Variants in MFSD11 observed in about 807,000 individuals in gnomAD.
MFSD11 encodes the protein UNC93-like protein MFSD11.
A neutral mutation model predicts 53.5 loss-of-function variants in MFSD11; 36 were observed. That is an observed-to-expected ratio of 0.67 (90% CI 0.52 to 0.89). The LOEUF (loss-of-function observed/expected upper bound fraction) is 0.89. Among genes scored for constraint, MFSD11 ranks in the 40% least tolerant of loss-of-function variants. The pLI is 0.00. For synonymous variants in MFSD11, 186 were observed against 184.9 expected, an observed-to-expected ratio of 1.01 and a Z score of -0.05; for missense variants, 530 against 543.9, an observed-to-expected ratio of 0.97 and a Z score of 0.25.
At chr17:76,748,836 C>T (rs746910454) in intron 7 of MFSD11, among the ~76,000 whole-genome samples, 1 of 152,022 alleles carries the variant, frequency 6.6e-6, no homozygotes, top group Non-Finnish European at 1.5e-5. Flanking sequence ...TCTCTTCTTT[C>T]CTCCCTCTAT....
intron 8 of MFSD11, among the ~76,000 whole-genome samples, chr17:76,763,019 T>C (rs1394880651): frequency 6.6e-6 from 1 of 152,104 alleles, no homozygotes; most frequent in East Asian, 1.9e-4. Flanking sequence ...CTTATAATTT[T>C]CCCCACCATC....
At chr17:76,797,405 C>G in the MFSD11 span, among the ~76,000 whole-genome samples, 1 of 152,002 alleles carries the variant, frequency 6.6e-6, no homozygotes, top group African/African-American at 2.4e-5. Context: ...TGGGCATTGC[C>G]ACGGCATTTG....
At chr17:76,785,449 A>C (rs1463033468), downstream of MFSD11, among the ~76,000 whole-genome samples, 2 of 152,088 alleles carry the variant, frequency 1.3e-5, no homozygotes, top group Non-Finnish European at 1.5e-5. Flanking sequence ...CGGTCCTCCC[A>C]CCTCAGCCTT....
At chr17:76,746,836 G>A (rs1176065912) in intron 7 of MFSD11, among the ~76,000 whole-genome samples, 1 of 152,166 alleles carries the variant, frequency 6.6e-6, no homozygotes, top group Non-Finnish European at 1.5e-5. Flanking sequence ...TGTTGGAGGT[G>A]TACAAGGAGA....
Position 76,769,804 on chromosome 17 carries a change from A to G in MFSD11, c.807A>G (p.Lys269=), listed in dbSNP as rs759337859. The G allele has an allele frequency of 2.3e-5, 37 of 1,613,094 alleles. No individual in the cohort carries two copies. Among genetic ancestry groups the G allele is most frequent in the Non-Finnish European group, 2.8e-5 (33 of 1,179,640 alleles). The part of the protein sequence containing the change: ...VYGTCIGATN[K]FGAEEKSLIG... ...GAACCTGTATTGGTGCTACAAATAAATTTGGAGCAGAAGAGAAAAGCCTTA... is the reference window on the plus strand; with the variant it reads ...GAACCTGTATTGGTGCTACAAATAAGTTTGGAGCAGAAGAGAAAAGCCTTA... The change falls in exon 10 of 13, where the codon AAA becomes AAG. Residue 269 remains lysine (K), a synonymous_variant. Transcript: ENST00000685175.
Position 76,750,395 on chromosome 17 carries a change from G to GTC in MFSD11, c.642-3649_642-3648dup, listed in dbSNP as rs527517796. 6.5e-5 allele frequency among the ~76,000 whole-genome samples: 9 copies of GTC among 137,852 alleles called. No individual in the cohort carries two copies. The South Asian group carries it at 2.1e-3, about 32-fold the overall frequency. The allele number at this position is 137,852 out of a possible 152,430, so 90.4% of individuals were successfully genotyped here. A position where few individuals can be genotyped will look rare whatever the true frequency, so the allele number is the denominator to read the frequency against. ...TTTTTTTTTTTTTTTTTGAGACAGA[G>GTC]TCTCACTCTGTCGCCCAGGCTGGAG... On this transcript the variant is annotated intron_variant, in intron 7 of 12. Coordinates refer to ENST00000685175, the MANE Select transcript of MFSD11 (RefSeq NM_001242532.5).
chr17:76,778,633 T>C lies in MFSD11; in HGVS notation c.*281T>C. The C allele has an allele frequency of 2.9e-6, 1 of 339,600 alleles. No homozygotes were observed. Among genetic ancestry groups the C allele is most frequent in the Non-Finnish European group, 5.4e-6 (1 of 186,052 alleles). The allele number at this position is 339,600 out of a possible 1,614,324, so 21.0% of individuals were successfully genotyped here. A position where few individuals can be genotyped will look rare whatever the true frequency, so the allele number is the denominator to read the frequency against. On this transcript the variant is annotated 3_prime_UTR_variant, in exon 13 of 13. Coordinates refer to ENST00000685175, the MANE Select transcript of MFSD11 (RefSeq NM_001242532.5). ...CAATTCTTATAATCATGTTATAGAA[T>C]GTAAATGTTTTCTTCTCTCTCCTGC...
chr17:76,763,865 TTTTTG>T lies in MFSD11; in HGVS notation c.683-3516_683-3512del, dbSNP rs573134284. Among the ~76,000 whole-genome samples, 117 of 151,726 alleles carry T rather than the reference TTTTTG, an allele frequency of 7.7e-4. No individual in the cohort carries two copies. The South Asian group carries it at 0.012, about 16-fold the overall frequency. ...ATTTATGAGGTACAACATGTTTTTG[TTTTTG>T]TTTTTTTTTTGAGGCAGAATCTTGC... On this transcript the variant is annotated intron_variant, in intron 8 of 12. Transcript: ENST00000685175.
chr17:76,777,069 C>T (rs2081904102), intron 12 of MFSD11, among the ~76,000 whole-genome samples: 1 of 152,040 alleles, frequency 6.6e-6, no homozygotes, highest in African/African-American at 2.4e-5. Flanking sequence ...AGATGGAGAC[C>T]ATCCTGGCTA....
At chr17:76,744,155 A>G (rs1320610472) in intron 6 of MFSD11, among the ~76,000 whole-genome samples, 167 bp from the exon 7 acceptor site, 1 of 152,176 alleles carries the variant, frequency 6.6e-6, no homozygotes, top group African/African-American at 2.4e-5. Context: ...CTGAAAGACA[A>G]AGGTGAAGGT....
intron 9 of MFSD11, among the ~76,000 whole-genome samples, chr17:76,767,660 T>C (rs1710410669): frequency 6.6e-6 from 1 of 152,172 alleles, no homozygotes; most frequent in South Asian, 2.1e-4. Flanking sequence ...ATCTCTCTTT[T>C]TGTGTAGTCT....
the MFSD11 span, among the ~76,000 whole-genome samples, chr17:76,799,777 G>A: frequency 6.6e-6 from 1 of 151,766 alleles, no homozygotes; most frequent in African/African-American, 2.4e-5. Flanking sequence ...CTTGCCCAAA[G>A]CTTAAAGCTT....
intron 8 of MFSD11, among the ~76,000 whole-genome samples, chr17:76,764,004 AG>A (rs572201133): frequency 1.5e-4 from 23 of 152,150 alleles, no homozygotes; most frequent in African/African-American, 5.3e-4. Context: ...CTGGGATTAC[AG>A]GGGTATACCA....
chr17:76,792,415 G>A, the MFSD11 span, among the ~76,000 whole-genome samples: 33 of 150,844 alleles, frequency 2.2e-4, no homozygotes, highest in East Asian at 1.2e-3. Flanking sequence ...CACTGCACCC[G>A]GTGTAGGCGT....
chr17:76,746,699 G>A (rs998142439), intron 7 of MFSD11, among the ~76,000 whole-genome samples: 12 of 152,190 alleles, frequency 7.9e-5, no homozygotes, highest in Non-Finnish European at 1.8e-4. Flanking sequence ...CTGGATGGTA[G>A]CACATTTGTT....
the MFSD11 span, among the ~76,000 whole-genome samples, chr17:76,793,696 G>A: frequency 6.6e-6 from 1 of 151,524 alleles, no homozygotes; most frequent in Admixed American, 6.6e-5. Context: ...CACAATTTAT[G>A]TTCAGAGATT....
chr17:76,796,449 C>T, the MFSD11 span, among the ~76,000 whole-genome samples: 2 of 152,192 alleles, frequency 1.3e-5, no homozygotes, highest in Admixed American at 1.3e-4. Flanking sequence ...ATATCCTCGA[C>T]ATTGACTAGT....
chr17:76,761,468 T>TTACCC, intron 8 of MFSD11, among the ~76,000 whole-genome samples: 1 of 152,244 alleles, frequency 6.6e-6, no homozygotes, highest in East Asian at 1.9e-4. Context: ...GCCATAAAAA[T>TTACCC]TATCTCTGTG....
chr17:76,755,886 C>T (rs1161689833), intron 8 of MFSD11, among the ~76,000 whole-genome samples: 4 of 130,366 alleles, frequency 3.1e-5, no homozygotes, highest in Non-Finnish European at 4.7e-5. Context: ...TGCAATGGTG[C>T]GATCTCAGCT....
Sources: allele counts gnomAD v4.1 joint callset (sites outside exome capture counted in the v4.1 genomes callset), GRCh38; gene constraint gnomAD v4.1.1; transcripts MANE v1.5; gene names NCBI Gene and HGNC (gene_info 2026-07-23, HGNC 2026-07-21).